CABYR: variants seen among roughly 807,000 people sequenced by gnomAD.
The protein encoded by CABYR is calcium-binding tyrosine phosphorylation-regulated protein.
In CABYR, 31 loss-of-function variants were observed where a neutral mutation model predicts 36.1. The ratio of observed to expected loss-of-function variants is 0.86; its 90% confidence interval spans 0.64 to 1.16. The LOEUF (loss-of-function observed/expected upper bound fraction) is 1.16, where lower values mean the gene tolerates loss of function less well. CABYR is among the 50% of genes most tolerant of loss of function. The pLI is 0.00. For synonymous variants in CABYR, 146 were observed against 160.7 expected, an observed-to-expected ratio of 0.91 and a Z score of 0.69; for missense variants, 429 against 455.8, an observed-to-expected ratio of 0.94 and a Z score of 0.53.
chr18:24,151,056 C>T (rs1240497571), intron 3 of CABYR, among the ~76,000 whole-genome samples: 1 of 152,168 alleles, frequency 6.6e-6, no homozygotes, highest in African/African-American at 2.4e-5. Flanking sequence ...TGCTTATACA[C>T]TTGTGGTCTT....
intron 3 of CABYR, among the ~76,000 whole-genome samples, chr18:24,153,868 G>T (rs149787668): frequency 6.6e-6 from 1 of 152,154 alleles, no homozygotes; most frequent in Non-Finnish European, 1.5e-5. Flanking sequence ...ACTTTGGAAG[G>T]CCGAGGCAGG....
At chr18:24,142,803 C>T (rs995782642) in intron 1 of CABYR, among the ~76,000 whole-genome samples, 4 of 151,810 alleles carry the variant, frequency 2.6e-5, no homozygotes, top group African/African-American at 7.3e-5. Context: ...GAGGCCGAGG[C>T]GGGCAGATCA....
chr18:24,156,719 A>C (rs1018398515), intron 4 of CABYR: 1 of 1,614,220 alleles, frequency 6.2e-7, no homozygotes, highest in Middle Eastern at 1.6e-4. Flanking sequence ...TGGATGCAGA[A>C]GGTGCTATCA....
intron 1 of CABYR, among the ~76,000 whole-genome samples, chr18:24,140,427 C>A (rs1057483958): frequency 6.6e-5 from 10 of 151,916 alleles, no homozygotes; most frequent in Non-Finnish European, 1.3e-4. Context: ...TTAAAAAATT[C>A]TTTTTTTGTG....
chr18:24,155,724 A>G lies in CABYR; in HGVS notation c.223A>G (p.Thr75Ala). The G allele has an allele frequency of 6.2e-7, 1 of 1,606,066 alleles. No homozygotes were observed. Among genetic ancestry groups the G allele is most frequent in the Non-Finnish European group, 8.5e-7 (1 of 1,176,742 alleles). ...AGTAGAGAAATGGTCAGAAGGAACG[A>G]CACCACAGAAGAAATTAGAATGTTT... Reference protein sequence around the residue: ...IKVEKWSEGTTPQKKLECLKE... With the variant: ...IKVEKWSEGTAPQKKLECLKE... The change falls in exon 4 of 6, where the codon ACA (threonine) becomes GCA (alanine). Residue 75 changes from threonine to alanine, a missense_variant. By Grantham distance (58) the Thr-to-Ala change is moderately conservative. Transcript: ENST00000399496.
chr18:24,143,176 T>A lies in CABYR; in HGVS notation c.62T>A (p.Ile21Asn). 1 of 1,613,834 alleles carries A rather than the reference T, an allele frequency of 6.2e-7. No individual in the cohort carries two copies. Among genetic ancestry groups the A allele is most frequent in the South Asian group, 1.1e-5 (1 of 91,006 alleles). Residue 21 changes from isoleucine (I) to asparagine (N), a missense_variant, in exon 2 of 6, where the codon ATT (isoleucine) becomes AAT (asparagine). Physicochemically the swap from Ile to Asn is moderately radical, Grantham distance 149 (BLOSUM62 -3). Transcript: ENST00000399496. ...GGCCTCAAGACTCTGCTCGAGGGAA[T>A]TAGCAGAGCTGTTCTCAAAACCAAC... ...PYGLKTLLEG[I>N]SRAVLKTNPS... is the part of the protein sequence containing the mutation.
intron 1 of CABYR, among the ~76,000 whole-genome samples, chr18:24,141,504 C>CTGG (rs1459570273): frequency 2.0e-5 from 3 of 152,120 alleles, no homozygotes; most frequent in African/African-American, 7.2e-5. Flanking sequence ...CTCAAGAAAC[C>CTGG]TGAATCATTT....
intron 3 of CABYR, among the ~76,000 whole-genome samples, chr18:24,151,795 T>C (rs1222923530): frequency 6.7e-6 from 1 of 150,258 alleles, no homozygotes; most frequent in African/African-American, 2.4e-5. Flanking sequence ...GCTCAAGCAA[T>C]TCTCCTGCCT....
chr18:24,140,274 A>C (rs1356189702), intron 1 of CABYR: 2 of 152,192 alleles, frequency 1.3e-5, no homozygotes, highest in African/African-American at 4.8e-5. Context: ...TTGGGTACTT[A>C]AAGAAAATTA....
chr18:24,144,147 C>T (rs569835807), intron 3 of CABYR, among the ~76,000 whole-genome samples: 10 of 152,154 alleles, frequency 6.6e-5, no homozygotes, highest in Non-Finnish European at 1.3e-4. Flanking sequence ...ATCTGCCTGC[C>T]TCAACCTCCC....
chr18:24,156,856 C>G, intron 4 of CABYR: 1 of 1,614,048 alleles, frequency 6.2e-7, no homozygotes, highest in Non-Finnish European at 8.5e-7. Context: ...CCTGTGCTCT[C>G]TGGGGAAGCT....
chr18:24,156,291 T>C lies in CABYR; in HGVS notation c.541+249T>C, dbSNP rs1259699920. ...ACCATCAACGGCTTCCTCAGTCCCC[T>C]TGCAGGATGAACAAGAACCTCCTGC... On this transcript the variant is annotated intron_variant, in intron 4 of 5. Coordinates refer to ENST00000399496, the MANE Select transcript of CABYR (RefSeq NM_153769.3). 9 of 1,614,086 alleles carry C rather than the reference T, an allele frequency of 5.6e-6. No homozygotes were observed. In the East Asian group the frequency reaches 1.1e-4, roughly 20 times the overall value.
intron 1 of CABYR, among the ~76,000 whole-genome samples, chr18:24,142,546 A>G (rs1365347493): frequency 6.6e-6 from 1 of 151,902 alleles, no homozygotes; most frequent in East Asian, 1.9e-4. Context: ...TTTGTTTTTA[A>G]TGTCCTCAGG....
At chr18:24,151,800 C>T (rs995834044) in intron 3 of CABYR, among the ~76,000 whole-genome samples, 5 of 151,680 alleles carry the variant, frequency 3.3e-5, no homozygotes, top group Admixed American at 6.6e-5. Context: ...AGCAATTCTC[C>T]TGCCTCAGCT....
At chr18:24,153,169 C>T (rs1042234610) in intron 3 of CABYR, among the ~76,000 whole-genome samples, 1 of 152,088 alleles carries the variant, frequency 6.6e-6, no homozygotes, top group Non-Finnish European at 1.5e-5. Context: ...TAGCCTTGGG[C>T]TGGTTAGCAG....
intron 3 of CABYR, among the ~76,000 whole-genome samples, chr18:24,153,885 A>C (rs2085701907): frequency 6.6e-6 from 1 of 152,034 alleles, no homozygotes. Context: ...CAGGTGGATC[A>C]CAAGATCAGG....
intron 3 of CABYR, among the ~76,000 whole-genome samples, chr18:24,149,735 A>G (rs2085566945): frequency 6.6e-6 from 1 of 152,230 alleles, no homozygotes; most frequent in Admixed American, 6.5e-5. Flanking sequence ...GAAATCAAGC[A>G]CAGCGCCGGT....
rs180698749 is a variant in CABYR, at chr18:24,141,195, G to A, written c.-24-1896G>A. ...TTATATACTGAAAGGATTTGCTTTG[G>A]CCAGTACAGATTCATTTTGTCCTGA... On this transcript the variant is annotated intron_variant, in intron 1 of 5. Coordinates refer to ENST00000399496, the MANE Select transcript of CABYR (RefSeq NM_153769.3). Among the ~76,000 whole-genome samples, 11 of 152,274 alleles carry A rather than the reference G, an allele frequency of 7.2e-5. No homozygotes were observed. The East Asian group carries it at 1.9e-3, about 27-fold the overall frequency.
intron 3 of CABYR, chr18:24,148,672 T>A (rs1413419470): frequency 6.5e-6 from 1 of 152,766 alleles, no homozygotes; most frequent in Non-Finnish European, 1.5e-5. Context: ...AGTTTCTTCC[T>A]TCTGGTGGGT....
Sources: allele counts gnomAD v4.1 joint callset (sites outside exome capture counted in the v4.1 genomes callset), GRCh38; gene constraint gnomAD v4.1.1; transcripts MANE v1.5; gene names NCBI Gene and HGNC (gene_info 2026-07-23, HGNC 2026-07-21).